Variants in RBFOX2 observed in about 807,000 individuals in gnomAD.
The protein encoded by RBFOX2 is RNA binding fox-1 homolog 2, also known as RNA binding protein fox-1 homolog 2.
In RBFOX2, 10 loss-of-function variants were observed where a neutral mutation model predicts 49.1. The ratio of observed to expected loss-of-function variants is 0.20; its 90% confidence interval spans 0.13 to 0.35. The LOEUF (loss-of-function observed/expected upper bound fraction) is 0.35, where lower values mean the gene tolerates loss of function less well. Among genes scored for constraint, RBFOX2 ranks in the 10% least tolerant of loss-of-function variants. The pLI, the probability that RBFOX2 is intolerant of heterozygous loss-of-function variation, is 1.00. For synonymous variants in RBFOX2, 183 were observed against 187.4 expected (o/e 0.98, Z 0.19); for missense variants, 323 against 486.9 (o/e 0.66, Z 3.17).
At chr22:35,902,129 C>T (rs1026221617) in intron 1 of RBFOX2, among the ~76,000 whole-genome samples, 1 of 151,980 alleles carries the variant, frequency 6.6e-6, no homozygotes, top group Admixed American at 6.6e-5. Context: ...CCCATCTTTC[C>T]TTATTACGTT....
At chr22:35,946,194 C>A (rs948848858) in intron 1 of RBFOX2, among the ~76,000 whole-genome samples, 2 of 152,152 alleles carry the variant, frequency 1.3e-5, no homozygotes, top group African/African-American at 4.8e-5. Flanking sequence ...AGAGAAGTGC[C>A]TTGCCCACAG....
chr22:35,841,348 A>G (rs1431727260), upstream of RBFOX2, among the ~76,000 whole-genome samples: 2 of 152,184 alleles, frequency 1.3e-5, no homozygotes, highest in Non-Finnish European at 2.9e-5. Context: ...TACTGACAAT[A>G]AGAGTTTCTT....
intron 1 of RBFOX2, among the ~76,000 whole-genome samples, chr22:35,875,967 ACTT>A (rs2045027596): frequency 6.6e-6 from 1 of 152,224 alleles, no homozygotes; most frequent in African/African-American, 2.4e-5. Context: ...AATTTAGTTT[ACTT>A]CTTAAGTCAA....
At chr22:35,964,833 T>C (rs1333444335), upstream of RBFOX2, among the ~76,000 whole-genome samples, 1 of 152,206 alleles carries the variant, frequency 6.6e-6, no homozygotes, top group Non-Finnish European at 1.5e-5. Context: ...TGTAAACATA[T>C]ATCCTTTTTT....
At chr22:35,761,468 C>T in exon 7 of RBFOX2, 1 of 1,614,020 alleles carries the variant, frequency 6.2e-7, no homozygotes, top group Non-Finnish European at 8.5e-7. Flanking sequence ...TAATTTCCAA[C>T]CTGAAACACA....
chr22:36,017,661 C>CA (rs958707772), intron 1 of RBFOX2, among the ~76,000 whole-genome samples: 11 of 152,232 alleles, frequency 7.2e-5, no homozygotes, highest in African/African-American at 2.7e-4. Flanking sequence ...CGAACTGCTA[C>CA]ACTCCAGAAT....
intron 4 of RBFOX2, among the ~76,000 whole-genome samples, chr22:35,777,015 A>ATTTT (rs757376652): frequency 1.4e-5 from 2 of 143,880 alleles, no homozygotes; most frequent in Non-Finnish European, 3.1e-5. Context: ...AGGGGAAATA[A>ATTTT]TTTTTTTTTT....
intron 1 of RBFOX2, among the ~76,000 whole-genome samples, chr22:35,982,483 C>G (rs1489696187): frequency 6.6e-6 from 1 of 152,088 alleles, no homozygotes. Flanking sequence ...TGGACTGTCT[C>G]TCTCTCTCTG....
chr22:35,946,370 C>G (rs1380615409), intron 1 of RBFOX2, among the ~76,000 whole-genome samples: 1 of 152,194 alleles, frequency 6.6e-6, no homozygotes, highest in East Asian at 1.9e-4. Context: ...GTTGAAGATA[C>G]AGATTCAAAT....
At chr22:35,945,165 A>C (rs1222233724) in intron 1 of RBFOX2, among the ~76,000 whole-genome samples, 1 of 152,170 alleles carries the variant, frequency 6.6e-6, no homozygotes, top group Non-Finnish European at 1.5e-5. Flanking sequence ...CAGATTTTTC[A>C]TTGACTTACT....
intron 1 of RBFOX2, among the ~76,000 whole-genome samples, chr22:35,887,133 C>G (rs1204831517): frequency 6.6e-6 from 1 of 151,992 alleles, no homozygotes; most frequent in Non-Finnish European, 1.5e-5. Context: ...GAAACATGAC[C>G]AGAAAGAGAT....
chr22:35,776,002 C>T (rs1602541781), intron 4 of RBFOX2, among the ~76,000 whole-genome samples: 1 of 151,976 alleles, frequency 6.6e-6, no homozygotes, highest in Non-Finnish European at 1.5e-5. Context: ...TCCTCAATGC[C>T]TGATGAAACT....
At chr22:35,899,316 C>T (rs2048285769) in intron 1 of RBFOX2, among the ~76,000 whole-genome samples, 2 of 151,976 alleles carry the variant, frequency 1.3e-5, no homozygotes, top group African/African-American at 2.4e-5. Flanking sequence ...ACCTCTGAAA[C>T]TCCCATGGGT....
intron 1 of RBFOX2, among the ~76,000 whole-genome samples, chr22:35,977,723 T>C (rs2057243910): frequency 3.1e-4 from 1 of 3,198 alleles, no homozygotes; most frequent in Non-Finnish European, 6.5e-4. Context: ...CTGAATGAAC[T>C]ATATATATAT....
At chr22:35,826,749 T>C (rs2148578761) in intron 1 of RBFOX2, among the ~76,000 whole-genome samples, 1 of 152,312 alleles carries the variant, frequency 6.6e-6, no homozygotes, top group East Asian at 1.9e-4. Flanking sequence ...CTGTTTTTTT[T>C]CCTATACATA....
At chr22:35,769,551 A>T (rs1942063004) in intron 4 of RBFOX2, among the ~76,000 whole-genome samples, 1 of 152,160 alleles carries the variant, frequency 6.6e-6, no homozygotes. Flanking sequence ...TTTACAAATA[A>T]TTTCCATGCT....
At chr22:35,763,517 G>A (rs1297143621) in intron 6 of RBFOX2, among the ~76,000 whole-genome samples, 2 of 152,168 alleles carry the variant, frequency 1.3e-5, no homozygotes, top group African/African-American at 2.4e-5. Flanking sequence ...AGCTGAGATC[G>A]CACCACTGTA....
intron 1 of RBFOX2, among the ~76,000 whole-genome samples, chr22:35,978,885 G>C (rs2057325035): frequency 6.6e-6 from 1 of 152,208 alleles, no homozygotes; most frequent in African/African-American, 2.4e-5. Context: ...GGAAAGAGTA[G>C]TCAATAGCGC....
chr22:35,783,101 A>G (rs1945551239), intron 2 of RBFOX2, among the ~76,000 whole-genome samples: 1 of 152,230 alleles, frequency 6.6e-6, no homozygotes, highest in African/African-American at 2.4e-5. Context: ...ACCGGAAAAC[A>G]GTGAACTAAA....
Sources: allele counts gnomAD v4.1 joint callset (sites outside exome capture counted in the v4.1 genomes callset), GRCh38; gene constraint gnomAD v4.1.1; transcripts MANE v1.5; gene names NCBI Gene and HGNC (gene_info 2026-07-23, HGNC 2026-07-21).